The following NRXN3 variants were observed in gnomAD, a reference collection of about 807,000 sequenced individuals.
NRXN3 encodes the protein neurexin 3.
A neutral mutation model predicts 137.6 loss-of-function variants in NRXN3; 32 were observed. The ratio of observed to expected loss-of-function variants is 0.23; its 90% CI spans 0.18 to 0.31. NRXN3 has a LOEUF of 0.31. Among genes scored for constraint, NRXN3 ranks in the 10% least tolerant of loss-of-function variants. NRXN3 has a pLI of 1.00. For synonymous variants in NRXN3, 798 were observed against 784.5 expected, an observed-to-expected ratio of 1.02 and a Z score of -0.29; for missense variants, 1,574 against 2,062.5, an observed-to-expected ratio of 0.76 and a Z score of 4.59.
At chr14:79,021,362 C>T (rs913485851) in intron 15 of NRXN3, among the ~76,000 whole-genome samples, 3 of 152,182 alleles carry the variant, frequency 2.0e-5, no homozygotes, top group Middle Eastern at 3.2e-3. Flanking sequence ...ATGGAAGATG[C>T]TCTTCAGCTT....
intron 15 of NRXN3, among the ~76,000 whole-genome samples, chr14:79,023,323 C>A (rs1462559919): frequency 6.6e-6 from 1 of 151,816 alleles, no homozygotes; most frequent in Non-Finnish European, 1.5e-5. Flanking sequence ...GCACAACAGA[C>A]CAAGCTCCAA....
At chr14:79,729,637 G>A (rs78868137) in intron 19 of NRXN3, among the ~76,000 whole-genome samples, 1 of 152,166 alleles carries the variant, frequency 6.6e-6, no homozygotes, top group East Asian at 1.9e-4. Context: ...TGAGAGAATT[G>A]AAGGAGGTGT....
chr14:79,736,378 A>G (rs1283725287), intron 19 of NRXN3, among the ~76,000 whole-genome samples: 1 of 152,162 alleles, frequency 6.6e-6, no homozygotes, highest in Non-Finnish European at 1.5e-5. Context: ...CCCATCAGGT[A>G]TTTTTTGGAA....
At chr14:79,040,180 C>T (rs2152527719) in intron 15 of NRXN3, among the ~76,000 whole-genome samples, 1 of 152,256 alleles carries the variant, frequency 6.6e-6, no homozygotes, top group South Asian at 2.1e-4. Context: ...GTCTTATCTC[C>T]TCCAACCAAA....
chr14:78,470,923 T>C (rs1045791115), intron 4 of NRXN3, among the ~76,000 whole-genome samples: 1 of 152,140 alleles, frequency 6.6e-6, no homozygotes, highest in African/African-American at 2.4e-5. Flanking sequence ...GAAGGTCAGA[T>C]AGCTAGTGTC....
intron 15 of NRXN3, among the ~76,000 whole-genome samples, chr14:79,000,894 C>T (rs1033174771): frequency 3.9e-5 from 6 of 152,190 alleles, no homozygotes; most frequent in African/African-American, 1.4e-4. Context: ...CCCTACAACA[C>T]AGCACATGTA....
At chr14:78,619,922 G>A (rs1057190339) in intron 4 of NRXN3, among the ~76,000 whole-genome samples, 8 of 152,102 alleles carry the variant, frequency 5.3e-5, no homozygotes, top group African/African-American at 1.7e-4. Flanking sequence ...GAAGAAGATG[G>A]CCATCTACAA....
chr14:78,847,310 T>A (rs1373074660), intron 10 of NRXN3, among the ~76,000 whole-genome samples: 1 of 152,150 alleles, frequency 6.6e-6, no homozygotes, highest in Admixed American at 6.6e-5. Context: ...GGCTTGTGAC[T>A]GAATTATAAA....
chr14:78,741,562 C>A (rs1233530040), intron 8 of NRXN3, among the ~76,000 whole-genome samples: 2 of 152,184 alleles, frequency 1.3e-5, no homozygotes, highest in Non-Finnish European at 2.9e-5. Flanking sequence ...TTAATGCATA[C>A]AACTTGATGA....
chr14:79,355,249 G>GCCCC (rs1555395408), intron 15 of NRXN3, among the ~76,000 whole-genome samples: 2 of 147,742 alleles, frequency 1.4e-5, no homozygotes, highest in African/African-American at 2.6e-5. Flanking sequence ...GGGCTTTTCT[G>GCCCC]TCCCCCACCC....
chr14:78,380,425 G>A (rs1393943392), intron 4 of NRXN3, among the ~76,000 whole-genome samples: 3 of 151,936 alleles, frequency 2.0e-5, no homozygotes, highest in African/African-American at 2.4e-5. Context: ...CTTGACATGA[G>A]GAGATCATCC....
chr14:78,989,875 C>A (rs1249911042), intron 15 of NRXN3, among the ~76,000 whole-genome samples: 36 of 152,218 alleles, frequency 2.4e-4, no homozygotes, highest in Admixed American at 2.4e-3. Context: ...ACGTGGTGAG[C>A]ACGCACAATT....
intron 19 of NRXN3, among the ~76,000 whole-genome samples, chr14:79,761,010 A>T (rs1050569870): frequency 6.6e-6 from 1 of 151,700 alleles, no homozygotes; most frequent in African/African-American, 2.4e-5. Context: ...GAGAAAAAGA[A>T]CACATTTTAA....
chr14:78,678,189 T>A (rs978469934), intron 6 of NRXN3, among the ~76,000 whole-genome samples: 2 of 152,174 alleles, frequency 1.3e-5, no homozygotes, highest in Non-Finnish European at 2.9e-5. Context: ...TGTTCAAAAT[T>A]TATATAAATG....
intron 19 of NRXN3, among the ~76,000 whole-genome samples, chr14:79,734,611 T>G (rs531840178): frequency 6.6e-6 from 1 of 152,190 alleles, no homozygotes; most frequent in Non-Finnish European, 1.5e-5. Flanking sequence ...AAACAAAAAT[T>G]ACTCATAACC....
chr14:79,063,273 T>C (rs1029942787), intron 15 of NRXN3, among the ~76,000 whole-genome samples: 7 of 152,114 alleles, frequency 4.6e-5, no homozygotes, highest in African/African-American at 7.2e-5. Context: ...AGTTATTTTA[T>C]GTTTTTTTGT....
chr14:79,594,797 G>T (rs1250798739), intron 16 of NRXN3, among the ~76,000 whole-genome samples: 1 of 152,080 alleles, frequency 6.6e-6, no homozygotes, highest in Non-Finnish European at 1.5e-5. Flanking sequence ...CATAACAAAT[G>T]ATGAAGTATA....
In NRXN3 at chr14:78,511,432, G is replaced by A. The variant is rs534644901; in HGVS notation, c.758-133688G>A. The stretch of plus-strand genomic sequence containing the variant: ...ACATCTCAGTGGCTTAACAAAAAAA[G>A]GTGTTAATCTCCCACTTCTATATGA... On this transcript the variant is annotated intron_variant, in intron 4 of 20. Coordinates refer to ENST00000335750, the MANE Select transcript of NRXN3 (RefSeq NM_001330195.2). Among the ~76,000 whole-genome samples the A allele has an allele frequency of 2.0e-5, 3 of 152,218 alleles. No individual in the cohort carries two copies. The East Asian group carries it at 5.8e-4, about 29-fold the overall frequency.
intron 10 of NRXN3, among the ~76,000 whole-genome samples, chr14:78,861,848 A>T (rs1233889158): frequency 6.6e-6 from 1 of 152,130 alleles, no homozygotes; most frequent in Non-Finnish European, 1.5e-5. Flanking sequence ...TAGTAATTCA[A>T]CTAGTTTCCC....
Sources: allele counts gnomAD v4.1 joint callset (sites outside exome capture counted in the v4.1 genomes callset), GRCh38; gene constraint gnomAD v4.1.1; transcripts MANE v1.5; gene names NCBI Gene and HGNC (gene_info 2026-07-23, HGNC 2026-07-21).